KLHL3: variants seen among roughly 807,000 people sequenced by gnomAD.
KLHL3 encodes kelch like family member 3, also known as kelch-like protein 3.
KLHL3 carries 19 observed loss-of-function variants against 70.5 expected under a neutral mutation model. The ratio of observed to expected loss-of-function variants is 0.27; its 90% CI spans 0.19 to 0.40. The LOEUF is 0.40. Among genes scored for constraint, KLHL3 ranks in the 10% least tolerant of loss-of-function variants. The pLI is 1.00. For synonymous variants in KLHL3, 258 were observed against 290.3 expected (o/e 0.89, Z 1.13); for missense variants, 512 against 771.1 (o/e 0.66, Z 3.98).
intron 5 of KLHL3, among the ~76,000 whole-genome samples, chr5:137,691,684 C>T (rs1326553126): frequency 1.3e-5 from 2 of 151,622 alleles, no homozygotes; most frequent in African/African-American, 2.4e-5. Flanking sequence ...AATCTCGGCT[C>T]ACTGCAAGCT....
At chr5:137,726,074 A>T (rs1753080560) in intron 1 of KLHL3, among the ~76,000 whole-genome samples, 1 of 152,086 alleles carries the variant, frequency 6.6e-6, no homozygotes, top group Non-Finnish European at 1.5e-5. Flanking sequence ...TATTTCCTGC[A>T]CACCATCGCC....
At chr5:137,724,914 C>G (rs1388544228) in intron 1 of KLHL3, 3 of 298,062 alleles carry the variant, frequency 1.0e-5, no homozygotes, top group Admixed American at 6.5e-5. Context: ...GTACTTGAAG[C>G]TCACAACCTA....
At position 137,618,759 on chromosome 5, in the gene KLHL3, CA is replaced by C. The variant is rs58917494; in HGVS notation, c.*3338del. 0.24 allele frequency: 27,017 copies of C among 110,434 alleles called. 3,443 individuals are homozygous for C. The highest frequency in any genetic ancestry group is 0.49 in the East Asian group (2,114 of 4,340). 6.8% of individuals were successfully genotyped at this position (110,434 alleles called of 1,614,324 possible). On this transcript the variant is annotated 3_prime_UTR_variant, in exon 15 of 15. Transcript: ENST00000309755. Reference sequence around the variant, plus strand: ...CCTCACCCCCACAGAAAGCAGACTCCAAAAAAAAAAAAAAAGACACAATCAA... The same window carrying C: ...CCTCACCCCCACAGAAAGCAGACTCCAAAAAAAAAAAAAAGACACAATCAA...
intron 12 of KLHL3, 117 bp downstream of exon 12, chr5:137,633,920 T>TATATCC: frequency 1.1e-5 from 15 of 1,311,636 alleles, no homozygotes; most frequent in Non-Finnish European, 1.6e-5. Flanking sequence ...CATTATGCAA[T>TATATCC]ATATCCATGT....
At chr5:137,673,968 T>C (rs1001896814) in intron 6 of KLHL3, 2 of 152,140 alleles carry the variant, frequency 1.3e-5, no homozygotes, top group Admixed American at 6.5e-5. Context: ...CAGACCAACA[T>C]GGGCACTGGG....
chr5:137,634,275 G>C (rs527309422), intron 11 of KLHL3, 110 bp from the exon 12 acceptor site: 51 of 1,257,612 alleles, frequency 4.1e-5, no homozygotes, highest in Non-Finnish European at 5.1e-5. Context: ...TCAGAATTCT[G>C]TTCCCTCTTT....
At chr5:137,681,681 G>A (rs1000309591) in intron 5 of KLHL3, among the ~76,000 whole-genome samples, 3 of 151,970 alleles carry the variant, frequency 2.0e-5, no homozygotes, top group Admixed American at 2.0e-4. Flanking sequence ...TATTATTGGA[G>A]AGTTAGCCCT....
chr5:137,659,927 G>C (rs1349650997), intron 7 of KLHL3, among the ~76,000 whole-genome samples: 1 of 151,764 alleles, frequency 6.6e-6, no homozygotes, highest in Non-Finnish European at 1.5e-5. Flanking sequence ...TACCTTTTGT[G>C]AAAGAAAAAA....
intron 2 of KLHL3, 78 bp from the exon 3 acceptor site, chr5:137,709,934 C>T: frequency 8.7e-7 from 1 of 1,151,910 alleles, no homozygotes; most frequent in Non-Finnish European, 1.3e-6. Flanking sequence ...ATTTTTTTCT[C>T]CCACCCAGAT....
chr5:137,646,155 A>G (rs1580729390), intron 8 of KLHL3, among the ~76,000 whole-genome samples: 1 of 152,236 alleles, frequency 6.6e-6, no homozygotes, highest in African/African-American at 2.4e-5. Context: ...TAAAAAAGAT[A>G]TATGAATGAC....
intron 5 of KLHL3, among the ~76,000 whole-genome samples, chr5:137,685,675 G>A (rs550687484): frequency 6.6e-6 from 1 of 152,286 alleles, no homozygotes; most frequent in African/African-American, 2.4e-5. Flanking sequence ...AGAATATACT[G>A]CTAAGAATGT....
intron 8 of KLHL3, among the ~76,000 whole-genome samples, chr5:137,646,906 A>G (rs1751059930): frequency 6.6e-6 from 1 of 152,226 alleles, no homozygotes; most frequent in African/African-American, 2.4e-5. Context: ...GCTAGACTGA[A>G]CATAATTTAA....
chr5:137,630,425 G>A (rs1470568595), intron 12 of KLHL3, among the ~76,000 whole-genome samples: 2 of 152,112 alleles, frequency 1.3e-5, no homozygotes, highest in Non-Finnish European at 2.9e-5. Flanking sequence ...TCCCTCCACA[G>A]AGACAAGCCT....
chr5:137,661,742 C>A, intron 7 of KLHL3, 173 bp downstream of exon 7: 1 of 523,048 alleles, frequency 1.9e-6, no homozygotes, highest in Non-Finnish European at 3.4e-6. Flanking sequence ...TATTTTCAAG[C>A]CTATGCTCTT....
chr5:137,698,465 C>T, intron 3 of KLHL3, 57 bp from the exon 4 acceptor site: 1 of 1,601,232 alleles, frequency 6.2e-7, no homozygotes, highest in Non-Finnish European at 8.5e-7. Flanking sequence ...ATATGTTTAC[C>T]TTCCAGATGG....
intron 5 of KLHL3, among the ~76,000 whole-genome samples, chr5:137,691,600 G>T (rs2905604): frequency 0.78 from 118,175 of 151,110 alleles, 46,395 homozygotes; most frequent in East Asian, 0.98. Context: ...TATAAGCCCT[G>T]CAATAGTACG....
In KLHL3 at chr5:137,634,063, T is replaced by A. The variant is rs1750708452; in HGVS notation, c.1424A>T (p.Asp475Val). 1 of 1,614,094 alleles carries A rather than the reference T, an allele frequency of 6.2e-7. No individual in the cohort carries two copies. The highest frequency in any genetic ancestry group is 1.1e-5 in the South Asian group (1 of 91,088). ...TGCGCCACTGCGGCGGGTGCTCATG[T>A]CCGCCACGTATATCCATTCATTGGT... ...PATNEWIYVADMSTRRSGAGV... is the reference protein window; with the variant it reads ...PATNEWIYVAVMSTRRSGAGV... The change falls in exon 12 of 15, where the codon GAC becomes GTC. Residue 475 changes from aspartate to valine, a missense_variant. By Grantham distance (152) the Asp-to-Val change is radical. Coordinates refer to ENST00000309755, the MANE Select transcript of KLHL3 (RefSeq NM_017415.3).
At chr5:137,644,087 TAGAC>T (rs759376647) in intron 8 of KLHL3, among the ~76,000 whole-genome samples, 10 of 152,140 alleles carry the variant, frequency 6.6e-5, no homozygotes, top group African/African-American at 9.7e-5. Context: ...TTTAATTTTT[TAGAC>T]AGAGTCTCGC....
chr5:137,735,356 G>C (rs2149942119), intron 1 of KLHL3, among the ~76,000 whole-genome samples: 1 of 152,312 alleles, frequency 6.6e-6, no homozygotes. Context: ...AACTATTCCC[G>C]AACACCAGCC....
Sources: allele counts gnomAD v4.1 joint callset (sites outside exome capture counted in the v4.1 genomes callset), GRCh38; gene constraint gnomAD v4.1.1; transcripts MANE v1.5; gene names NCBI Gene and HGNC (gene_info 2026-07-23, HGNC 2026-07-21).